The following GPM6A variants were observed in gnomAD, a reference collection of about 807,000 sequenced individuals.
The protein encoded by GPM6A is glycoprotein M6A.
GPM6A carries 7 observed loss-of-function variants against 32.1 expected under a neutral mutation model. The observed-to-expected ratio is 0.22, with a 90% CI of 0.12 to 0.41. GPM6A has a LOEUF of 0.41. GPM6A is among the 10% of genes least tolerant of loss of function. The probability of loss-of-function intolerance (pLI) is 1.00; values close to 1 mark genes in which losing one functional copy is unlikely to be tolerated. For synonymous variants in GPM6A, 130 were observed against 123.4 expected (o/e 1.05, Z -0.35); for missense variants, 235 against 347.2 (o/e 0.68, Z 2.57).
chr4:175,891,529 C>A (rs1737648243), intron 1 of GPM6A: 1 of 152,228 alleles, frequency 6.6e-6, no homozygotes, highest in Non-Finnish European at 1.5e-5. Context: ...TCCACGCTTT[C>A]TTATGATGTG....
intron 1 of GPM6A, chr4:175,787,563 TTGA>T (rs764313505): frequency 1.2e-5 from 16 of 1,384,252 alleles, no homozygotes; most frequent in Non-Finnish European, 1.4e-5. Context: ...TACATACTTG[TTGA>T]TGATTTACAA....
chr4:175,660,116 T>C (rs1742317757), intron 3 of GPM6A, among the ~76,000 whole-genome samples: 1 of 151,928 alleles, frequency 6.6e-6, no homozygotes, highest in Non-Finnish European at 1.5e-5. Flanking sequence ...AAAAAGTATA[T>C]AGGCTGGGTG....
chr4:175,809,059 GA>G (rs1734809611), intron 1 of GPM6A, among the ~76,000 whole-genome samples: 1 of 152,140 alleles, frequency 6.6e-6, no homozygotes, highest in South Asian at 2.1e-4. Flanking sequence ...GGCTGTCCAT[GA>G]AGAGATGGTC....
At chr4:175,905,591 T>C (rs1360152245) in intron 1 of GPM6A, among the ~76,000 whole-genome samples, 1 of 152,122 alleles carries the variant, frequency 6.6e-6, no homozygotes, top group Non-Finnish European at 1.5e-5. Context: ...ATTTATGACC[T>C]GATTTTAGCC....
chr4:175,649,331 A>G (rs1741648737), intron 4 of GPM6A, among the ~76,000 whole-genome samples: 1 of 152,226 alleles, frequency 6.6e-6, no homozygotes, highest in African/African-American at 2.4e-5. Flanking sequence ...TTTGGGGATC[A>G]CAAGCACTTG....
chr4:175,903,286 A>G (rs1271973190), intron 1 of GPM6A, among the ~76,000 whole-genome samples: 3 of 13,694 alleles, frequency 2.2e-4, no homozygotes, highest in Non-Finnish European at 6.1e-4. Context: ...TAATTCATTG[A>G]AAAAAAAAGA....
intron 1 of GPM6A, among the ~76,000 whole-genome samples, chr4:175,974,543 T>C (rs1276000106): frequency 6.8e-6 from 1 of 147,436 alleles, no homozygotes; most frequent in African/African-American, 2.6e-5. Flanking sequence ...TAAAGGGCAA[T>C]GTGACTATGT....
intron 1 of GPM6A, among the ~76,000 whole-genome samples, chr4:175,707,727 C>G (rs4690412): frequency 7.2e-4 from 110 of 152,106 alleles, no homozygotes; most frequent in African/African-American, 2.6e-3. Context: ...AAAAGTAATG[C>G]GAAAAGGTAT....
At chr4:175,936,333 A>C (rs1412027603) in intron 1 of GPM6A, among the ~76,000 whole-genome samples, 3 of 147,876 alleles carry the variant, frequency 2.0e-5, no homozygotes, top group Non-Finnish European at 4.5e-5. Context: ...AAAAAAAAAA[A>C]AAACTATACA....
intron 1 of GPM6A, among the ~76,000 whole-genome samples, chr4:175,931,686 AC>A (rs1425183895): frequency 3.0e-4 from 45 of 147,610 alleles, no homozygotes; most frequent in East Asian, 1.8e-3. Context: ...ACACACACAC[AC>A]ACACACACAC....
intron 2 of GPM6A, among the ~76,000 whole-genome samples, chr4:175,679,870 ACTC>A (rs201581874): frequency 0.016 from 2,486 of 152,124 alleles, 27 homozygotes; most frequent in Non-Finnish European, 0.024. Flanking sequence ...TTGTAAGAAT[ACTC>A]CTTGCTTTCT....
chr4:175,885,654 C>T (rs1378358789), intron 1 of GPM6A, among the ~76,000 whole-genome samples: 2 of 152,224 alleles, frequency 1.3e-5, no homozygotes, highest in Non-Finnish European at 2.9e-5. Context: ...ATTACTTAAT[C>T]TAGTAATCCC....
At chr4:175,855,825 C>T (rs1399225879) in intron 1 of GPM6A, among the ~76,000 whole-genome samples, 2 of 152,134 alleles carry the variant, frequency 1.3e-5, no homozygotes, top group Non-Finnish European at 2.9e-5. Flanking sequence ...TAAATATGTA[C>T]ATATTATAGG....
intron 3 of GPM6A, among the ~76,000 whole-genome samples, chr4:175,666,195 C>T (rs889473772): frequency 1.3e-5 from 2 of 152,126 alleles, no homozygotes; most frequent in African/African-American, 4.8e-5. Flanking sequence ...GCTGGGATTA[C>T]ATGCGTGAGC....
intron 1 of GPM6A, among the ~76,000 whole-genome samples, chr4:175,986,640 G>A (rs1740983661): frequency 6.6e-6 from 1 of 152,116 alleles, no homozygotes. Context: ...ATATTTTCCT[G>A]TTGTTTATAA....
chr4:175,825,062 A>G (rs957641315), intron 1 of GPM6A, among the ~76,000 whole-genome samples: 5 of 152,218 alleles, frequency 3.3e-5, no homozygotes, highest in African/African-American at 1.2e-4. Context: ...ATAAATTTCT[A>G]GATACTTTTT....
chr4:175,734,422 C>T (rs1181084569), intron 1 of GPM6A, among the ~76,000 whole-genome samples: 1 of 152,056 alleles, frequency 6.6e-6, no homozygotes, highest in Non-Finnish European at 1.5e-5. Flanking sequence ...GCGTGATTGG[C>T]CACAATGAGT....
At chr4:175,966,171 CAG>C (rs1388826700) in intron 1 of GPM6A, among the ~76,000 whole-genome samples, 1 of 151,900 alleles carries the variant, frequency 6.6e-6, no homozygotes, top group African/African-American at 2.4e-5. Context: ...CTTTTGGAGG[CAG>C]AGGTGGGAGG....
intron 1 of GPM6A, among the ~76,000 whole-genome samples, chr4:176,001,463 G>A (rs1741477940): frequency 6.6e-6 from 1 of 152,188 alleles, no homozygotes; most frequent in Non-Finnish European, 1.5e-5. Flanking sequence ...GTGGGACCCT[G>A]CGTCCTAGTG....
Sources: gnomAD v4.1 joint callset for allele counts (sites outside exome capture counted in the v4.1 genomes callset) on GRCh38, gnomAD v4.1.1 for gene constraint, MANE v1.5 for transcripts, NCBI Gene and HGNC (gene_info 2026-07-23, HGNC 2026-07-21) for gene names.